The following DLGAP2 variants were observed in gnomAD, a reference collection of about 807,000 sequenced individuals.
The protein encoded by DLGAP2 is disks large-associated protein 2.
DLGAP2 carries 26 observed loss-of-function variants against 100.3 expected under a neutral mutation model. The ratio of observed to expected loss-of-function variants is 0.26; its 90% CI spans 0.19 to 0.36. The LOEUF (loss-of-function observed/expected upper bound fraction) is 0.36, where lower values mean the gene tolerates loss of function less well. Among genes scored for constraint, DLGAP2 ranks in the 10% least tolerant of loss-of-function variants. The pLI, the probability that DLGAP2 is intolerant of heterozygous loss-of-function variation, is 1.00. For missense variants in DLGAP2, 1,858 were observed against 1,453.2 expected (o/e 1.28, Z -4.53); for synonymous variants, 886 against 630.1 (o/e 1.41, Z -6.08).
chr8:1,475,510 C>T (rs545249705), intron 3 of DLGAP2, among the ~76,000 whole-genome samples: 1 of 152,222 alleles, frequency 6.6e-6, no homozygotes, highest in East Asian at 1.9e-4. Context: ...TGGAGGTGCC[C>T]CGCTGATTGT....
At chr8:1,464,900 A>T (rs1276061229) in intron 3 of DLGAP2, among the ~76,000 whole-genome samples, 1 of 150,944 alleles carries the variant, frequency 6.6e-6, no homozygotes, top group Non-Finnish European at 1.5e-5. Flanking sequence ...CACAAAAAAA[A>T]AGTAGTATCT....
intron 1 of DLGAP2, among the ~76,000 whole-genome samples, chr8:788,429 C>T (rs181432540): frequency 1.1e-4 from 17 of 152,258 alleles, no homozygotes; most frequent in African/African-American, 1.7e-4. Flanking sequence ...GAGGCCTTGG[C>T]GTCTGTGTCC....
chr8:1,388,523 C>A (rs1585325649), intron 3 of DLGAP2, among the ~76,000 whole-genome samples: 1 of 58,824 alleles, frequency 1.7e-5, no homozygotes, highest in Non-Finnish European at 3.2e-5. Flanking sequence ...GATGAGGAGG[C>A]GCTGGTTCAG....
intron 3 of DLGAP2, among the ~76,000 whole-genome samples, chr8:1,376,260 C>T (rs942904804): frequency 2.0e-4 from 30 of 152,342 alleles, no homozygotes; most frequent in African/African-American, 7.0e-4. Flanking sequence ...CGTGCTGTCT[C>T]ATAGCTGTGA....
intron 2 of DLGAP2, among the ~76,000 whole-genome samples, chr8:1,145,181 C>G (rs1300246888): frequency 1.3e-5 from 2 of 152,120 alleles, no homozygotes; most frequent in Non-Finnish European, 2.9e-5. Context: ...ACTTTCCCCC[C>G]AGCCACCATC....
chr8:1,582,670 A>T (rs1316847820), intron 6 of DLGAP2, among the ~76,000 whole-genome samples: 2 of 152,036 alleles, frequency 1.3e-5, no homozygotes, highest in African/African-American at 4.8e-5. Flanking sequence ...GCTCACTGCA[A>T]CCTCTTTCTC....
intron 2 of DLGAP2, among the ~76,000 whole-genome samples, chr8:1,087,369 G>A (rs934366429): frequency 6.6e-6 from 1 of 152,058 alleles, no homozygotes; most frequent in Non-Finnish European, 1.5e-5. Flanking sequence ...TTCATTCTTT[G>A]CCTCTCCAGT....
intron 3 of DLGAP2, among the ~76,000 whole-genome samples, chr8:1,329,939 C>G (rs1365480665): frequency 1.3e-5 from 2 of 152,238 alleles, no homozygotes; most frequent in African/African-American, 4.8e-5. Flanking sequence ...AGTAGAACCC[C>G]AGAGCTTCCT....
intron 1 of DLGAP2, among the ~76,000 whole-genome samples, chr8:812,035 G>A (rs1005738126): frequency 2.0e-5 from 3 of 152,248 alleles, no homozygotes; most frequent in East Asian, 1.9e-4. Flanking sequence ...GCCAAAGCCT[G>A]TACTGGTCGA....
intron 3 of DLGAP2, among the ~76,000 whole-genome samples, chr8:1,412,400 G>C (rs1406297048): frequency 6.6e-6 from 1 of 152,178 alleles, no homozygotes; most frequent in Non-Finnish European, 1.5e-5. Context: ...GGTTCTCAGA[G>C]TCTCACCCTC....
chr8:985,817 A>G (rs913724361), intron 2 of DLGAP2, among the ~76,000 whole-genome samples: 2 of 152,176 alleles, frequency 1.3e-5, no homozygotes, highest in Admixed American at 6.5e-5. Flanking sequence ...TGTGTGGTTC[A>G]TTAGCAGCAA....
chr8:1,282,242 G>A (rs1305304796), intron 3 of DLGAP2, among the ~76,000 whole-genome samples: 1 of 142,890 alleles, frequency 7.0e-6, no homozygotes, highest in Non-Finnish European at 1.5e-5. Context: ...ATCAGGACAT[G>A]GTGTGACCTG....
At chr8:1,184,083 G>T (rs980664179) in intron 2 of DLGAP2, among the ~76,000 whole-genome samples, 1 of 152,186 alleles carries the variant, frequency 6.6e-6, no homozygotes, top group Non-Finnish European at 1.5e-5. Context: ...GTGTGTTTGC[G>T]TTGTGTTTGG....
chr8:1,597,819 G>A (rs970349260), intron 6 of DLGAP2, among the ~76,000 whole-genome samples: 2 of 152,192 alleles, frequency 1.3e-5, no homozygotes, highest in African/African-American at 2.4e-5. Context: ...TGCAAACAGA[G>A]AGAATTTGAC....
chr8:809,052 G>T lies in DLGAP2; in HGVS notation c.18+71227G>T, dbSNP rs1274489761. 2.0e-5 allele frequency among the ~76,000 whole-genome samples: 3 copies of T among 151,874 alleles called. No homozygotes were observed. The East Asian group carries it at 5.8e-4, about 29-fold the overall frequency. ...CTCCCAAGTAGCTGAGATTACAGGTGTGCACCACCACGCCTGGCTAATTTT... is the reference window on the plus strand; with the variant it reads ...CTCCCAAGTAGCTGAGATTACAGGTTTGCACCACCACGCCTGGCTAATTTT... On this transcript the variant is annotated intron_variant, in intron 1 of 14. Transcript: ENST00000637795.
intron 5 of DLGAP2, among the ~76,000 whole-genome samples, chr8:1,551,284 G>A (rs1360940486): frequency 1.3e-5 from 2 of 152,162 alleles, no homozygotes; most frequent in African/African-American, 4.8e-5. Context: ...AGAAAGAATC[G>A]GGGTTCACTC....
chr8:835,649 T>G (rs768848600), intron 1 of DLGAP2, among the ~76,000 whole-genome samples: 9 of 152,192 alleles, frequency 5.9e-5, no homozygotes, highest in Non-Finnish European at 1.2e-4. Context: ...ACGAGTTCTC[T>G]TCCTGAACTT....
chr8:1,665,868 C>G (rs1246619129), intron 8 of DLGAP2, among the ~76,000 whole-genome samples: 1 of 152,258 alleles, frequency 6.6e-6, no homozygotes, highest in Non-Finnish European at 1.5e-5. Flanking sequence ...CCAGGGCTGT[C>G]ACGTGGAAAC....
intron 2 of DLGAP2, among the ~76,000 whole-genome samples, chr8:1,166,829 T>C (rs996871842): frequency 1.3e-5 from 2 of 152,220 alleles, no homozygotes; most frequent in African/African-American, 4.8e-5. Context: ...TTTCGTGGTT[T>C]TCTACATATG....
Sources: allele counts gnomAD v4.1 joint callset (sites outside exome capture counted in the v4.1 genomes callset), GRCh38; gene constraint gnomAD v4.1.1; transcripts MANE v1.5; gene names NCBI Gene and HGNC (gene_info 2026-07-23, HGNC 2026-07-21).